DPY19L1: variants seen among roughly 807,000 people sequenced by gnomAD.
The protein encoded by DPY19L1 is dpy-19 like C-mannosyltransferase 1.
DPY19L1 carries 35 observed loss-of-function variants against 96.9 expected under a neutral mutation model. The ratio of observed to expected loss-of-function variants is 0.36; its 90% CI spans 0.28 to 0.48. DPY19L1 has a LOEUF of 0.48. DPY19L1 is among the 20% of genes least tolerant of loss of function. The pLI is 0.99. For synonymous variants in DPY19L1, 205 were observed against 252.6 expected (o/e 0.81, Z 1.79); for missense variants, 521 against 777.9 (o/e 0.67, Z 3.93).
intron 11 of DPY19L1, among the ~76,000 whole-genome samples, chr7:34,956,519 T>C (rs1364776786): frequency 2.6e-5 from 4 of 152,014 alleles, no homozygotes; most frequent in Non-Finnish European, 4.4e-5. Flanking sequence ...ATTTTTTTTT[T>C]TTTTTGAAAT....
rs548355751 is a variant in DPY19L1, at chr7:34,964,221, G to A, written c.1092+2673C>T. Among the ~76,000 whole-genome samples, 23 of 152,062 alleles carry A rather than the reference G, an allele frequency of 1.5e-4. No individual in the cohort carries two copies. The South Asian group carries it at 1.7e-3, about 11-fold the overall frequency. ...CGATAATGGAAGAAGATAGAAAACA[G>A]TAAGTCATATAATAAAGTATGTATC... On this transcript the variant is annotated intron_variant, in intron 10 of 21. Transcript: ENST00000638088.
intron 1 of DPY19L1, among the ~76,000 whole-genome samples, chr7:35,021,495 CAAT>C (rs1785994499): frequency 6.6e-6 from 1 of 152,198 alleles, no homozygotes; most frequent in Non-Finnish European, 1.5e-5. Context: ...AACTCAGTAA[CAAT>C]GATGAGAGCA....
At chr7:35,005,071 G>C (rs1785519404) in intron 6 of DPY19L1, among the ~76,000 whole-genome samples, 1 of 152,158 alleles carries the variant, frequency 6.6e-6, no homozygotes. Context: ...AAAGAACTCA[G>C]AGTCTAACAT....
chr7:34,966,239 T>C (rs532213244), intron 10 of DPY19L1, among the ~76,000 whole-genome samples: 1 of 152,264 alleles, frequency 6.6e-6, no homozygotes, highest in Admixed American at 6.5e-5. Context: ...TGTTAGAATG[T>C]AGTAATATGA....
chr7:34,956,246 T>C (rs1044102860), intron 11 of DPY19L1, among the ~76,000 whole-genome samples: 40 of 152,338 alleles, frequency 2.6e-4, no homozygotes, highest in African/African-American at 9.1e-4. Flanking sequence ...TCATATACTT[T>C]ATCCTGGGTG....
rs146167411 is a variant in DPY19L1 at position 35,014,882 on chromosome 7, G to C, written c.412-1177C>G. Among the ~76,000 whole-genome samples the C allele has an allele frequency of 1.5e-3, 231 of 152,288 alleles. 1 individual carries two copies. The highest frequency in any genetic ancestry group is 5.4e-3 in the African/African-American group (226 of 41,556). ...TGGCCTCAAAGCTACAGGCACACAG[G>C]GGAAAAGGCCATGTGAAGAGGGGTC... is the stretch of plus-strand genomic sequence containing the variant. On this transcript the variant is annotated intron_variant, in intron 3 of 21. Coordinates refer to ENST00000638088, the MANE Select transcript of DPY19L1 (RefSeq NM_001366673.1).
At chr7:35,014,149 C>A (rs1785782217) in intron 3 of DPY19L1, among the ~76,000 whole-genome samples, 1 of 151,982 alleles carries the variant, frequency 6.6e-6, no homozygotes, top group Non-Finnish European at 1.5e-5. Flanking sequence ...GTCATTTTTC[C>A]TCCGGATTTA....
chr7:34,944,493 C>T (rs746112987), intron 16 of DPY19L1, among the ~76,000 whole-genome samples: 2 of 152,064 alleles, frequency 1.3e-5, no homozygotes, highest in African/African-American at 2.4e-5. Context: ...TCACTCCATC[C>T]TCTAATCCCA....
intron 8 of DPY19L1, among the ~76,000 whole-genome samples, chr7:34,973,075 A>G (rs1784757088): frequency 6.6e-6 from 1 of 152,154 alleles, no homozygotes; most frequent in South Asian, 2.1e-4. Flanking sequence ...TACCCTCTGG[A>G]GCAAGGCAGC....
intron 1 of DPY19L1, among the ~76,000 whole-genome samples, chr7:35,034,741 C>T (rs1471116193): frequency 6.6e-6 from 1 of 152,106 alleles, no homozygotes. Context: ...AAATTACTTT[C>T]TAAATAGAAA....
chr7:35,018,601 A>G lies in DPY19L1; in HGVS notation c.299-5T>C. The G allele has an allele frequency of 6.2e-7, 1 of 1,608,212 alleles. No homozygotes were observed. Among genetic ancestry groups the G allele is most frequent in the Non-Finnish European group, 8.5e-7 (1 of 1,177,526 alleles). ...GCAACACTGCTGCAAAAACAGCTGT[A>G]AGAAAAAAGAAATTTAAATTAGAAT... On this transcript the variant is annotated splice_polypyrimidine_tract_variant and splice_region_variant and intron_variant, in intron 1 of 21. Coordinates refer to ENST00000638088, the MANE Select transcript of DPY19L1 (RefSeq NM_001366673.1).
chr7:34,957,264 C>T (rs554847345), intron 11 of DPY19L1, among the ~76,000 whole-genome samples: 2 of 152,102 alleles, frequency 1.3e-5, no homozygotes, highest in Admixed American at 6.5e-5. Context: ...TGCCTGTAAT[C>T]GCAGCTACTT....
chr7:34,966,877 C>T lies in DPY19L1; in HGVS notation c.1092+17G>A. 1 of 1,507,946 alleles carries T rather than the reference C, an allele frequency of 6.6e-7. No homozygotes were observed. Among genetic ancestry groups the T allele is most frequent in the Non-Finnish European group, 8.9e-7 (1 of 1,125,498 alleles). The allele number at this position is 1,507,946 out of a possible 1,614,324, so 93.4% of individuals were successfully genotyped here. ...TAAGGGCAAACTAAATGGAAAAGAA[C>T]AATAAAAAATTATTACCATGTGTAT... is the stretch of plus-strand genomic sequence containing the variant. On this transcript the variant is annotated intron_variant, in intron 10 of 21. Coordinates refer to ENST00000638088, the MANE Select transcript of DPY19L1 (RefSeq NM_001366673.1).
intron 1 of DPY19L1, among the ~76,000 whole-genome samples, chr7:35,028,593 GACT>G (rs2128682978): frequency 6.6e-6 from 1 of 152,264 alleles, no homozygotes. Context: ...TCCTGATCCA[GACT>G]ACAAGACAGA....
intron 1 of DPY19L1, among the ~76,000 whole-genome samples, chr7:35,020,891 G>A (rs1785980487): frequency 6.6e-6 from 1 of 151,928 alleles, no homozygotes; most frequent in African/African-American, 2.4e-5. Context: ...GTATTTTCAG[G>A]AGAGATAAGG....
At chr7:34,941,244 C>G (rs1784006962) in intron 18 of DPY19L1, among the ~76,000 whole-genome samples, 2 of 151,974 alleles carry the variant, frequency 1.3e-5, no homozygotes, top group South Asian at 4.1e-4. Context: ...TATGGAGAAG[C>G]ATAAATCTGT....
intron 11 of DPY19L1, among the ~76,000 whole-genome samples, chr7:34,956,347 GA>G (rs1784378455): frequency 6.6e-6 from 1 of 152,008 alleles, no homozygotes. Flanking sequence ...CAGAACTGAA[GA>G]ACTATACTTA....
At chr7:34,999,467 A>G (rs1005408055) in intron 6 of DPY19L1, among the ~76,000 whole-genome samples, 2 of 152,230 alleles carry the variant, frequency 1.3e-5, no homozygotes, top group Middle Eastern at 3.2e-3. Flanking sequence ...TATGATCCTC[A>G]AAAGGATGAA....
chr7:35,004,559 G>T (rs190415251), intron 6 of DPY19L1, among the ~76,000 whole-genome samples: 1 of 152,268 alleles, frequency 6.6e-6, no homozygotes, highest in East Asian at 1.9e-4. Flanking sequence ...TCTAATCTGT[G>T]TCATGGGTAC....
Sources: gnomAD v4.1 joint callset for allele counts (sites outside exome capture counted in the v4.1 genomes callset) on GRCh38, gnomAD v4.1.1 for gene constraint, MANE v1.5 for transcripts, NCBI Gene and HGNC (gene_info 2026-07-23, HGNC 2026-07-21) for gene names.